The following WWC2 variants were observed in gnomAD, a reference collection of about 807,000 sequenced individuals.
The protein encoded by WWC2 is WW and C2 domain containing 2, also known as protein WWC2.
Under a neutral mutation model 138.5 loss-of-function variants are expected in WWC2, and 101 were observed. That is an observed-to-expected ratio of 0.73 (90% CI 0.62 to 0.86). The LOEUF (loss-of-function observed/expected upper bound fraction) is 0.86, where lower values mean the gene tolerates loss of function less well. Ranked by LOEUF, WWC2 falls within the 40% of genes least tolerant of loss-of-function variation. The pLI is 0.00. For missense variants in WWC2, 1,420 were observed against 1,419.4 expected, an observed-to-expected ratio of 1.00 and a Z score of -0.01; for synonymous variants, 558 against 538.4, an observed-to-expected ratio of 1.04 and a Z score of -0.50.
At chr4:183,176,190 G>A (rs1734462554) in intron 1 of WWC2, among the ~76,000 whole-genome samples, 1 of 152,156 alleles carries the variant, frequency 6.6e-6, no homozygotes, top group South Asian at 2.1e-4. Context: ...TATCACCAAG[G>A]AAAGTCTCCA....
chr4:183,294,180 G>T (rs930324242), intron 21 of WWC2, among the ~76,000 whole-genome samples: 1 of 152,148 alleles, frequency 6.6e-6, no homozygotes, highest in African/African-American at 2.4e-5. Flanking sequence ...GCAGGCCATA[G>T]TTTGCCAACT....
intron 1 of WWC2, among the ~76,000 whole-genome samples, chr4:183,116,704 T>G (rs901991237): frequency 1.3e-5 from 2 of 152,276 alleles, no homozygotes; most frequent in African/African-American, 4.8e-5. Flanking sequence ...TTAATTCTTA[T>G]GCTACCTGTT....
intron 4 of WWC2, among the ~76,000 whole-genome samples, chr4:183,214,469 C>CA: frequency 6.6e-6 from 1 of 152,068 alleles, no homozygotes; most frequent in Non-Finnish European, 1.5e-5. Flanking sequence ...TCTCACACAG[C>CA]AAAAATCATA....
At chr4:183,221,655 G>A (rs1317935984) in intron 4 of WWC2, among the ~76,000 whole-genome samples, 1 of 152,102 alleles carries the variant, frequency 6.6e-6, no homozygotes, top group African/African-American at 2.4e-5. Flanking sequence ...TAATTCATTG[G>A]CCAAAGAAGA....
intron 4 of WWC2, among the ~76,000 whole-genome samples, chr4:183,220,635 C>T (rs1420541050): frequency 2.6e-5 from 4 of 151,532 alleles, no homozygotes; most frequent in East Asian, 1.9e-4. Flanking sequence ...GAGATTGAGA[C>T]CATCCTGGCT....
At chr4:183,292,873 AT>A (rs1482584716) in intron 21 of WWC2, among the ~76,000 whole-genome samples, 4 of 151,960 alleles carry the variant, frequency 2.6e-5, no homozygotes, top group Admixed American at 6.5e-5. Context: ...TGACTAAAAA[AT>A]ATTGGTAAAC....
At chr4:183,283,522 A>G (rs1456100107) in intron 18 of WWC2, among the ~76,000 whole-genome samples, 1 of 152,254 alleles carries the variant, frequency 6.6e-6, no homozygotes, top group Non-Finnish European at 1.5e-5. Context: ...AAATAATATT[A>G]TGCCCTGAGA....
At chr4:183,265,184 A>G (rs1737461143) in intron 12 of WWC2, 77 bp downstream of exon 12, 1 of 1,502,014 alleles carries the variant, frequency 6.7e-7, no homozygotes, top group Non-Finnish European at 8.9e-7. Flanking sequence ...CTGTAAATGG[A>G]CTGCTACCAT....
intron 4 of WWC2, among the ~76,000 whole-genome samples, chr4:183,226,420 A>G (rs1382987078): frequency 3.3e-5 from 5 of 152,076 alleles, no homozygotes; most frequent in African/African-American, 1.2e-4. Flanking sequence ...AAATATAGAA[A>G]TAGAATTAAG....
At chr4:183,110,221 A>AT (rs1358954912) in intron 1 of WWC2, among the ~76,000 whole-genome samples, 1 of 152,162 alleles carries the variant, frequency 6.6e-6, no homozygotes, top group Non-Finnish European at 1.5e-5. Flanking sequence ...GGCAAAATGA[A>AT]TTTTTGGAAG....
At chr4:183,184,886 T>C (rs145754148) in intron 1 of WWC2, among the ~76,000 whole-genome samples, 20 of 152,062 alleles carry the variant, frequency 1.3e-4, no homozygotes, top group African/African-American at 4.8e-4. Context: ...CTATTCCAAA[T>C]AGGAGGACTG....
At chr4:183,213,566 T>C (rs1735668773) in intron 4 of WWC2, among the ~76,000 whole-genome samples, 1 of 152,226 alleles carries the variant, frequency 6.6e-6, no homozygotes, top group Non-Finnish European at 1.5e-5. Context: ...TTGGGAATCA[T>C]GTATTTAGAA....
Position 183,289,630 on chromosome 4 carries a change from A to G in WWC2, c.3379A>G (p.Lys1127Glu). Residue 1127 changes from lysine (K) to glutamate (E), a missense_variant, in exon 21 of 23, where the codon AAG becomes GAG. Transcript: ENST00000403733. The part of the protein sequence containing the change: ...RFQRLLKQAE[K>E]QAEQSKEEQK... Reference sequence around the variant, plus strand: ...CCAGAGGCTTCTGAAGCAAGCTGAGAAGCAGGTACGCAGCTCAGGGTCTGT... The same window carrying G: ...CCAGAGGCTTCTGAAGCAAGCTGAGGAGCAGGTACGCAGCTCAGGGTCTGT... 3 of 1,613,542 alleles carry G rather than the reference A, an allele frequency of 1.9e-6. No individual in the cohort carries two copies. The highest frequency in any genetic ancestry group is 2.5e-6 in the Non-Finnish European group (3 of 1,179,764).
chr4:183,142,763 C>T (rs764464631), intron 1 of WWC2, among the ~76,000 whole-genome samples: 12 of 152,172 alleles, frequency 7.9e-5, no homozygotes, highest in Non-Finnish European at 1.3e-4. Context: ...AGCCATGTGG[C>T]GTATGTTCTG....
chr4:183,184,331 T>A (rs1734732082), intron 1 of WWC2, among the ~76,000 whole-genome samples: 1 of 152,232 alleles, frequency 6.6e-6, no homozygotes, highest in Non-Finnish European at 1.5e-5. Context: ...TATGGCTGAA[T>A]AATATTCCAT....
intron 1 of WWC2, among the ~76,000 whole-genome samples, chr4:183,132,587 G>A (rs538718747): frequency 3.6e-4 from 55 of 151,874 alleles, no homozygotes; most frequent in Admixed American, 1.2e-3. Context: ...CCGAGTAGCT[G>A]GGACTACAGG....
At position 183,248,861 on chromosome 4, in the gene WWC2, G is replaced by A; in HGVS notation, c.879+1G>A. ...GTCACAAACAAGCATTTCCGGAGAT[G>A]TAAGTTATCTGTGCTGAAGAGTTGG... On this transcript the variant is annotated splice_donor_variant, in intron 7 of 22. Coordinates refer to ENST00000403733, the MANE Select transcript of WWC2 (RefSeq NM_024949.6). LOFTEE classifies it high-confidence loss of function. 1 of 1,591,938 alleles carries A rather than the reference G, an allele frequency of 6.3e-7. No individual in the cohort carries two copies. Among genetic ancestry groups the A allele is most frequent in the Non-Finnish European group, 8.6e-7 (1 of 1,166,802 alleles).
intron 5 of WWC2, among the ~76,000 whole-genome samples, chr4:183,243,789 G>A (rs1450049747): frequency 1.5e-5 from 2 of 130,834 alleles, no homozygotes; most frequent in Admixed American, 1.6e-4. Flanking sequence ...GTGTGTGTGT[G>A]TGCATGTGTT....
chr4:183,100,018 A>T (rs962074108), intron 1 of WWC2, among the ~76,000 whole-genome samples: 3 of 152,186 alleles, frequency 2.0e-5, no homozygotes, highest in Admixed American at 2.0e-4. Flanking sequence ...CCAGTTGGGG[A>T]ACGAGCCCTC....
Sources: gnomAD v4.1 joint callset for allele counts (sites outside exome capture counted in the v4.1 genomes callset) on GRCh38, gnomAD v4.1.1 for gene constraint, MANE v1.5 for transcripts, NCBI Gene and HGNC (gene_info 2026-07-23, HGNC 2026-07-21) for gene names.